Variants in ADCY1 observed in about 807,000 individuals in gnomAD.
The protein encoded by ADCY1 is adenylate cyclase 1.
Under a neutral mutation model 105.4 loss-of-function variants are expected in ADCY1, and 28 were observed. That is an observed-to-expected ratio of 0.27 (90% CI 0.20 to 0.36). The LOEUF is 0.36. Ranked by LOEUF, ADCY1 falls within the 10% of genes least tolerant of loss-of-function variation. The pLI, the probability that ADCY1 is intolerant of heterozygous loss-of-function variation, is 1.00. For missense variants in ADCY1, 977 were observed against 1,434.2 expected (o/e 0.68, Z 5.15); for synonymous variants, 655 against 623.8 (o/e 1.05, Z -0.75).
chr7:45,672,916 C>T (rs992269100), intron 8 of ADCY1, among the ~76,000 whole-genome samples: 23 of 152,242 alleles, frequency 1.5e-4, no homozygotes, highest in African/African-American at 4.8e-4. Flanking sequence ...CAGTCTTTCA[C>T]GATTAAGTGT....
In ADCY1 at chr7:45,592,743, CCTT is replaced by C. The variant is rs561389641; in HGVS notation, c.640-13_640-11del. 152 of 1,613,930 alleles carry C rather than the reference CCTT, an allele frequency of 9.4e-5. 1 individual carries two copies. The East Asian group carries it at 2.9e-3, about 31-fold the overall frequency. ...GGATGTCAGGCTCCACATGTTGCCT[CCTT>C]CTCTCCCTGCAGCTCGGTGCCAATG... On this transcript the variant is annotated splice_polypyrimidine_tract_variant and intron_variant, in intron 1 of 19. Coordinates refer to ENST00000297323, the MANE Select transcript of ADCY1 (RefSeq NM_021116.4).
chr7:45,607,751 T>C (rs1315615090), intron 2 of ADCY1, among the ~76,000 whole-genome samples: 1 of 152,250 alleles, frequency 6.6e-6, no homozygotes, highest in Non-Finnish European at 1.5e-5. Context: ...GCTGCATCCA[T>C]GTTGCTGTAA....
Position 45,574,773 on chromosome 7 carries a change from T to C in ADCY1, c.230T>C (p.Leu77Pro). The C allele has an allele frequency of 4.1e-6, 6 of 1,479,800 alleles. No homozygotes were observed. The highest frequency in any genetic ancestry group is 5.3e-6 in the Non-Finnish European group (6 of 1,123,010). 91.7% of individuals were successfully genotyped at this position (1,479,800 alleles called of 1,614,324 possible). ...AGCCTGCTGGCGGGCGCGCTGGCGCTGGCCGAGCTGCTGGGCGCGCCGGGG... is the reference window on the plus strand; with the variant it reads ...AGCCTGCTGGCGGGCGCGCTGGCGCCGGCCGAGCTGCTGGGCGCGCCGGGG... ...VLSLLAGALA[L>P]AELLGAPGPA... The change falls in exon 1 of 20, where the codon CTG becomes CCG. Residue 77 changes from leucine (L) to proline (P), a missense_variant. Physicochemically the swap from Leu to Pro is moderately conservative, Grantham distance 98. Transcript: ENST00000297323. The surrounding 1 kb of genome is among the most constrained non-coding windows in gnomAD (Gnocchi z 7.0).
chr7:45,702,106 A>G (rs1046880519), intron 14 of ADCY1, among the ~76,000 whole-genome samples: 3 of 152,130 alleles, frequency 2.0e-5, no homozygotes, highest in African/African-American at 7.2e-5. Context: ...CGTCATCTCT[A>G]TCCTTAGAAA....
Position 45,686,227 on chromosome 7 carries a change from G to A in ADCY1, c.2327+12G>A, listed in dbSNP as rs753051477. ...TACACCAGGACTGGGTAAGTGTGTGGCTCCTCAAGAAAAAGGCCTAAGCAG... is the reference window on the plus strand; with the variant it reads ...TACACCAGGACTGGGTAAGTGTGTGACTCCTCAAGAAAAAGGCCTAAGCAG... On this transcript the variant is annotated intron_variant, in intron 13 of 19. Coordinates refer to ENST00000297323, the MANE Select transcript of ADCY1 (RefSeq NM_021116.4). This position sits in a 1 kb window ranked among gnomAD's most constrained non-coding sequence, Gnocchi z 4.3. 1 of 1,610,292 alleles carries A rather than the reference G, an allele frequency of 6.2e-7. No individual in the cohort carries two copies. Among genetic ancestry groups the A allele is most frequent in the Admixed American group, 1.7e-5 (1 of 59,832 alleles).
At position 45,721,737 on chromosome 7, in the gene ADCY1, A is replaced by G. The variant is rs1049492036; in HGVS notation, c.*7742A>G. 1 of 398,686 alleles carries G rather than the reference A, an allele frequency of 2.5e-6. No individual in the cohort carries two copies. The highest frequency in any genetic ancestry group is 4.4e-6 in the Non-Finnish European group (1 of 226,134). The allele number at this position is 398,686 out of a possible 1,614,324, so 24.7% of individuals were successfully genotyped here. ...AAAGGGCCGATTTCAGCAGGAGTTC[A>G]GAGGGCTTATGATGGATGGTGAGAG... On this transcript the variant is annotated 3_prime_UTR_variant, in exon 20 of 20. Transcript: ENST00000297323.
chr7:45,645,007 G>C (rs1363675608), intron 4 of ADCY1, among the ~76,000 whole-genome samples: 4 of 152,164 alleles, frequency 2.6e-5, no homozygotes, highest in African/African-American at 7.2e-5. Flanking sequence ...GTGTGATGCT[G>C]AGTGAGCTGG....
intron 14 of ADCY1, among the ~76,000 whole-genome samples, chr7:45,694,281 A>G (rs1243332169): frequency 2.0e-5 from 3 of 152,226 alleles, no homozygotes; most frequent in African/African-American, 4.8e-5. Context: ...CATACAAAGT[A>G]TGTTCCTTAA....
At position 45,719,924 on chromosome 7, in the gene ADCY1, CA is replaced by C. The variant is rs1785437460; in HGVS notation, c.*5930del. Reference sequence around the variant, plus strand: ...CATCTACTACATCAGCACTGAAGTCCAGGGGCATTGAGGCACTAACTAGGTT... The same window carrying C: ...CATCTACTACATCAGCACTGAAGTCCGGGGCATTGAGGCACTAACTAGGTT... On this transcript the variant is annotated 3_prime_UTR_variant, in exon 20 of 20. Transcript: ENST00000297323. 1 of 152,104 alleles carries C rather than the reference CA, an allele frequency of 6.6e-6. No individual in the cohort carries two copies. The highest frequency in any genetic ancestry group is 1.5e-5 in the Non-Finnish European group (1 of 68,056). 9.4% of individuals were successfully genotyped at this position (152,104 alleles called of 1,614,324 possible). A position where few individuals can be genotyped will look rare whatever the true frequency, so the allele number is the denominator to read the frequency against.
Position 45,574,855 on chromosome 7 carries a change from G to A in ADCY1, c.312G>A (p.Ala104=), listed in dbSNP as rs765365053. ...CGGTGCACTGCGTCCTCTTCCTGGC[G>A]CTGCTCGTGGTAACCAACGTCCGGT... ...SHPVHCVLFL[A]LLVVTNVRSL... Residue 104 remains alanine (A), a synonymous_variant, in exon 1 of 20, where the codon GCG becomes GCA. Coordinates refer to ENST00000297323, the MANE Select transcript of ADCY1 (RefSeq NM_021116.4). This position sits in a 1 kb window ranked among gnomAD's most constrained non-coding sequence, Gnocchi z 7.0. The A allele has an allele frequency of 6.2e-7, 1 of 1,611,342 alleles. No homozygotes were observed. Among genetic ancestry groups the A allele is most frequent in the Non-Finnish European group, 8.5e-7 (1 of 1,179,596 alleles).
At chr7:45,677,048 C>T (rs1702976849) in intron 8 of ADCY1, among the ~76,000 whole-genome samples, 2 of 151,804 alleles carry the variant, frequency 1.3e-5, no homozygotes, top group African/African-American at 4.8e-5. Context: ...CAGAAAGAAA[C>T]CTCAAGGGAC....
rs1784634230 is a variant in ADCY1 at position 45,684,834 on chromosome 7, A to G, written c.1984-145A>G. ...GAGAATAAACAAATGAAAAAAGCCA[A>G]GAGACATGTGAGGAGGGTGAAAAAC... is the stretch of plus-strand genomic sequence containing the variant. On this transcript the variant is annotated intron_variant, in intron 11 of 19. Coordinates refer to ENST00000297323, the MANE Select transcript of ADCY1 (RefSeq NM_021116.4). The G allele has an allele frequency of 1.4e-5, 9 of 630,992 alleles. No individual in the cohort carries two copies. In the South Asian group the frequency reaches 2.3e-4, roughly 16 times the overall value. 39.1% of individuals were successfully genotyped at this position (630,992 alleles called of 1,614,324 possible). A position where few individuals can be genotyped will look rare whatever the true frequency, so the allele number is the denominator to read the frequency against.
chr7:45,684,116 T>C (rs1784619209), intron 11 of ADCY1, among the ~76,000 whole-genome samples: 1 of 152,246 alleles, frequency 6.6e-6, no homozygotes, highest in African/African-American at 2.4e-5. Flanking sequence ...GCGGTTCTTC[T>C]GAGATCAGCA....
In ADCY1 at chr7:45,715,639, C is replaced by T. The variant is rs1785344583; in HGVS notation, c.*1644C>T. 6.6e-6 allele frequency: 1 copy of T among 152,642 alleles called. No homozygotes were observed. The highest frequency in any genetic ancestry group is 2.1e-4 in the South Asian group (1 of 4,832). The allele number at this position is 152,642 out of a possible 1,614,324, so 9.5% of individuals were successfully genotyped here. A position where few individuals can be genotyped will look rare whatever the true frequency, so the allele number is the denominator to read the frequency against. On this transcript the variant is annotated 3_prime_UTR_variant, in exon 20 of 20. Coordinates refer to ENST00000297323, the MANE Select transcript of ADCY1 (RefSeq NM_021116.4). Reference sequence around the variant, plus strand: ...CCTGCACAGGGAGGGGCTGATCCTGCCTCAGCTGTGTGGCCATGTGGGGGC... The same window carrying T: ...CCTGCACAGGGAGGGGCTGATCCTGTCTCAGCTGTGTGGCCATGTGGGGGC...
chr7:45,701,358 G>A (rs537257409), intron 14 of ADCY1, among the ~76,000 whole-genome samples: 1 of 152,272 alleles, frequency 6.6e-6, no homozygotes, highest in South Asian at 2.1e-4. Context: ...AAGGACAGCA[G>A]CTCTGATAGC....
At chr7:45,701,128 C>T (rs569521908) in intron 14 of ADCY1, among the ~76,000 whole-genome samples, 2 of 152,296 alleles carry the variant, frequency 1.3e-5, no homozygotes, top group East Asian at 1.9e-4. Flanking sequence ...ATGTGTGGTG[C>T]CCACTAATTC....
chr7:45,660,259 TC>T, intron 7 of ADCY1, 76 bp downstream of exon 7: 1 of 1,559,054 alleles, frequency 6.4e-7, no homozygotes, highest in Non-Finnish European at 8.7e-7. Flanking sequence ...ATGTGACTCC[TC>T]CTGCTTCCTC....
At chr7:45,679,290 A>G (rs1481473794) in intron 10 of ADCY1, among the ~76,000 whole-genome samples, 1 of 152,216 alleles carries the variant, frequency 6.6e-6, no homozygotes, top group African/African-American at 2.4e-5. Context: ...AGCCTGCCTC[A>G]TGGGCCTATT....
chr7:45,587,990 G>A (rs1054217062), intron 1 of ADCY1, among the ~76,000 whole-genome samples: 1 of 152,184 alleles, frequency 6.6e-6, no homozygotes, highest in Admixed American at 6.5e-5. Context: ...TGAAGGAGTG[G>A]GGAGTTTACC....
Sources: gnomAD v4.1 joint callset for allele counts (sites outside exome capture counted in the v4.1 genomes callset) on GRCh38, gnomAD v4.1.1 for gene constraint, Gnocchi (gnomAD v3.1) non-coding constraint, MANE v1.5 for transcripts, NCBI Gene and HGNC (gene_info 2026-07-23, HGNC 2026-07-21) for gene names.